The following THRAP3 variants were observed in gnomAD, a reference collection of about 807,000 sequenced individuals.
THRAP3 encodes thyroid hormone receptor-associated protein 3.
A neutral mutation model predicts 101.0 loss-of-function variants in THRAP3; 16 were observed. That is an observed-to-expected ratio of 0.16 (90% CI 0.11 to 0.24). THRAP3 has a LOEUF of 0.24. Among genes scored for constraint, THRAP3 ranks in the 10% least tolerant of loss-of-function variants. The probability of loss-of-function intolerance (pLI) is 1.00; values close to 1 mark genes in which losing one functional copy is unlikely to be tolerated. For missense variants in THRAP3, 989 were observed against 1,202.7 expected, an observed-to-expected ratio of 0.82 and a Z score of 2.63; for synonymous variants, 407 against 422.6, an observed-to-expected ratio of 0.96 and a Z score of 0.45.
intron 1 of THRAP3, among the ~76,000 whole-genome samples, chr1:36,255,248 T>TA (rs1408384008): frequency 3.9e-5 from 6 of 152,230 alleles, no homozygotes; most frequent in Non-Finnish European, 7.3e-5. Flanking sequence ...GCTTGCTTGT[T>TA]ACGCCTGGTG....
intron 8 of THRAP3, among the ~76,000 whole-genome samples, chr1:36,295,886 C>G (rs1177312039): frequency 7.0e-6 from 1 of 143,340 alleles, no homozygotes; most frequent in Non-Finnish European, 1.5e-5. Flanking sequence ...CTTTTCTACT[C>G]TTAGTGGTGG....
intron 1 of THRAP3, among the ~76,000 whole-genome samples, chr1:36,239,041 C>T (rs1333613869): frequency 1.3e-5 from 2 of 151,720 alleles, no homozygotes; most frequent in South Asian, 4.2e-4. Flanking sequence ...TCACGCCATT[C>T]TCCTGCCTCA....
At chr1:36,216,203 A>T in the THRAP3 span, among the ~76,000 whole-genome samples, 1 of 151,868 alleles carries the variant, frequency 6.6e-6, no homozygotes, top group Admixed American at 6.6e-5. Flanking sequence ...ATACAGTGAG[A>T]CCGTGTCTCT....
chr1:36,210,720 TATATATATATATATATC>T, the THRAP3 span, among the ~76,000 whole-genome samples: 1 of 9,304 alleles, frequency 1.1e-4, no homozygotes, highest in East Asian at 3.6e-3. Context: ...TATATATATA[TATATATATATATATATC>T]ATATATATAA....
upstream of THRAP3, among the ~76,000 whole-genome samples, chr1:36,223,041 C>G (rs1012980351): frequency 6.6e-6 from 1 of 152,088 alleles, no homozygotes; most frequent in African/African-American, 2.4e-5. Context: ...GCAGGAGAAT[C>G]GCTTGAACCT....
intron 2 of THRAP3, among the ~76,000 whole-genome samples, chr1:36,270,476 T>G (rs558199908): frequency 6.6e-6 from 1 of 152,118 alleles, no homozygotes; most frequent in Admixed American, 6.6e-5. Flanking sequence ...AAACCTTCTT[T>G]AAAGTCATAA....
intron 8 of THRAP3, 55 bp downstream of exon 8, chr1:36,293,990 C>T: frequency 3.8e-6 from 6 of 1,585,686 alleles, no homozygotes; most frequent in Non-Finnish European, 5.2e-6. Flanking sequence ...TGGGCATGAA[C>T]TTGACAGAAA....
chr1:36,239,303 G>A (rs148927298), intron 1 of THRAP3, among the ~76,000 whole-genome samples: 1,364 of 129,158 alleles, frequency 0.011, 24 homozygotes, highest in African/African-American at 0.038. Flanking sequence ...TCTATTACCC[G>A]GGCTGGAGTG....
the THRAP3 span, among the ~76,000 whole-genome samples, chr1:36,208,363 A>G: frequency 6.6e-6 from 1 of 152,180 alleles, no homozygotes; most frequent in Non-Finnish European, 1.5e-5. Context: ...ACACAGCTAA[A>G]GCAGTAGTCA....
chr1:36,251,718 G>A (rs1315844751), intron 1 of THRAP3, among the ~76,000 whole-genome samples: 1 of 152,296 alleles, frequency 6.6e-6, no homozygotes. Context: ...CTGTCATTTT[G>A]ATACTGGCCC....
At chr1:36,300,473 A>C (rs1340427978) in intron 9 of THRAP3, among the ~76,000 whole-genome samples, 1 of 152,242 alleles carries the variant, frequency 6.6e-6, no homozygotes, top group Non-Finnish European at 1.5e-5. Context: ...TAAGAAATAA[A>C]AGTAATAGAA....
At chr1:36,257,691 A>T (rs1570277518) in intron 1 of THRAP3, among the ~76,000 whole-genome samples, 1 of 152,204 alleles carries the variant, frequency 6.6e-6, no homozygotes, top group East Asian at 1.9e-4. Flanking sequence ...GGAATTGAAG[A>T]CTTGTTGGAA....
rs1436434605 is a variant in THRAP3 at position 36,305,198 on chromosome 1, C to T, written c.*1181C>T. ...ACCCACCTCTCCCCCCCAGCCTTTGCCTCTTGCGTTGTTGTGCTGCTTTCC... is the reference window on the plus strand; with the variant it reads ...ACCCACCTCTCCCCCCCAGCCTTTGTCTCTTGCGTTGTTGTGCTGCTTTCC... On this transcript the variant is annotated 3_prime_UTR_variant, in exon 12 of 12. Coordinates refer to ENST00000354618, the MANE Select transcript of THRAP3 (RefSeq NM_005119.4). 1 of 221,746 alleles carries T rather than the reference C, an allele frequency of 4.5e-6. No individual in the cohort carries two copies. Among genetic ancestry groups the T allele is most frequent in the African/African-American group, 2.2e-5 (1 of 44,554 alleles). The allele number at this position is 221,746 out of a possible 1,614,324, so 13.7% of individuals were successfully genotyped here. A position where few individuals can be genotyped will look rare whatever the true frequency, so the allele number is the denominator to read the frequency against.
At position 36,304,636 on chromosome 1, in the gene THRAP3, C is replaced by A. The variant is rs887957633; in HGVS notation, c.*619C>A. ...TTGTATGTCAAGGAGGAGTTTAAGGCCTTTCCGACCACCTTGTGTTCCCCT... is the reference window on the plus strand; with the variant it reads ...TTGTATGTCAAGGAGGAGTTTAAGGACTTTCCGACCACCTTGTGTTCCCCT... On this transcript the variant is annotated 3_prime_UTR_variant, in exon 12 of 12. Coordinates refer to ENST00000354618, the MANE Select transcript of THRAP3 (RefSeq NM_005119.4). 2.3e-5 allele frequency: 5 copies of A among 221,840 alleles called. No homozygotes were observed. The highest frequency in any genetic ancestry group is 4.5e-5 in the Non-Finnish European group (5 of 110,636). The allele number at this position is 221,840 out of a possible 1,614,324, so 13.7% of individuals were successfully genotyped here.
At chr1:36,288,464 T>C (rs1328467487) in intron 4 of THRAP3, 3 of 985,332 alleles carry the variant, frequency 3.0e-6, no homozygotes, top group Non-Finnish European at 3.6e-6. Context: ...GAGCTCTGCT[T>C]TTCCATAAGA....
intron 1 of THRAP3, among the ~76,000 whole-genome samples, chr1:36,239,348 C>T (rs748285156): frequency 4.6e-5 from 7 of 151,432 alleles, no homozygotes; most frequent in Admixed American, 4.6e-4. Flanking sequence ...CAACCTCCGC[C>T]GCCCCTGCAC....
chr1:36,246,038 A>G (rs1161702136), intron 1 of THRAP3, among the ~76,000 whole-genome samples: 1 of 152,144 alleles, frequency 6.6e-6, no homozygotes, highest in Non-Finnish European at 1.5e-5. Context: ...TCTGCATTTT[A>G]CAGATGTAAG....
intron 1 of THRAP3, among the ~76,000 whole-genome samples, chr1:36,249,685 A>AGTGAGTGTGTGT (rs1553193623): frequency 7.2e-6 from 1 of 138,114 alleles, no homozygotes. Flanking sequence ...GCAGGTGGTG[A>AGTGAGTGTGTGT]GTGTGTGTGT....
Position 36,228,779 on chromosome 1 carries a change from C to T in THRAP3, c.-135+4274C>T, listed in dbSNP as rs898177294. Among the ~76,000 whole-genome samples the T allele has an allele frequency of 3.0e-4, 46 of 152,120 alleles. 2 individuals carry two copies. The highest frequency in any genetic ancestry group is 1.5e-5 in the Non-Finnish European group (1 of 68,034). On this transcript the variant is annotated intron_variant, in intron 1 of 11. Transcript: ENST00000354618. Reference sequence around the variant, plus strand: ...AAATGTGTTCTCCTTCTACCATATTCGTTAGAGTTTCAAAAAAGTTAAGAA... The same window carrying T: ...AAATGTGTTCTCCTTCTACCATATTTGTTAGAGTTTCAAAAAAGTTAAGAA...
Sources: allele counts gnomAD v4.1 joint callset (sites outside exome capture counted in the v4.1 genomes callset), GRCh38; gene constraint gnomAD v4.1.1; transcripts MANE v1.5; gene names NCBI Gene and HGNC (gene_info 2026-07-23, HGNC 2026-07-21).